The following LRBA variants were observed in gnomAD, a reference collection of about 807,000 sequenced individuals.
LRBA encodes the protein LPS responsive beige-like anchor protein.
A neutral mutation model predicts 330.0 loss-of-function variants in LRBA; 176 were observed. The ratio of observed to expected loss-of-function variants is 0.53; its 90% CI spans 0.47 to 0.60. LRBA has a LOEUF of 0.60. Among genes scored for constraint, LRBA ranks in the 20% least tolerant of loss-of-function variants. The probability of loss-of-function intolerance (pLI) is 0.00; values close to 1 mark genes in which losing one functional copy is unlikely to be tolerated. For synonymous variants in LRBA, 1,230 were observed against 1,193.0 expected (o/e 1.03, Z -0.64); for missense variants, 3,259 against 3,444.8 (o/e 0.95, Z 1.35).
chr4:150,289,485 A>G (rs919795927), intron 53 of LRBA, among the ~76,000 whole-genome samples: 1 of 152,366 alleles, frequency 6.6e-6, no homozygotes, highest in Middle Eastern at 3.4e-3. Flanking sequence ...AATTAAAAGC[A>G]TAAGGGTAGA....
At chr4:150,802,316 A>G (rs952844265) in intron 33 of LRBA, among the ~76,000 whole-genome samples, 7 of 149,888 alleles carry the variant, frequency 4.7e-5, no homozygotes, top group African/African-American at 1.7e-4. Flanking sequence ...TTCCTATTGC[A>G]CCATCACTCC....
At chr4:150,488,903 GAATA>G (rs1231845236) in intron 41 of LRBA, among the ~76,000 whole-genome samples, 1 of 123,210 alleles carries the variant, frequency 8.1e-6, no homozygotes, top group South Asian at 2.7e-4. Context: ...ACACACATAA[GAATA>G]TATACACACA....
At chr4:150,964,826 TA>T (rs1209363916) in intron 2 of LRBA, among the ~76,000 whole-genome samples, 5 of 151,856 alleles carry the variant, frequency 3.3e-5, no homozygotes, top group Non-Finnish European at 7.4e-5. Context: ...CAATAAATAC[TA>T]AAATAAAAAA....
chr4:150,298,243 G>A (rs1729204635), intron 53 of LRBA, among the ~76,000 whole-genome samples: 1 of 152,026 alleles, frequency 6.6e-6, no homozygotes, highest in South Asian at 2.1e-4. Flanking sequence ...AAGCACATGT[G>A]CACAGAGGCA....
chr4:150,555,343 A>C (rs1310661399), intron 40 of LRBA, among the ~76,000 whole-genome samples: 1 of 152,246 alleles, frequency 6.6e-6, no homozygotes, highest in Non-Finnish European at 1.5e-5. Flanking sequence ...ACCCATAACA[A>C]TTCAAATCTA....
intron 34 of LRBA, among the ~76,000 whole-genome samples, chr4:150,765,083 G>T (rs1236070349): frequency 7.0e-6 from 1 of 143,870 alleles, no homozygotes; most frequent in African/African-American, 2.6e-5. Flanking sequence ...ATTATTCAGC[G>T]CTAAAAAAAA....
At chr4:150,458,350 A>G (rs1201553418) in intron 44 of LRBA, among the ~76,000 whole-genome samples, 1 of 151,914 alleles carries the variant, frequency 6.6e-6, no homozygotes, top group East Asian at 1.9e-4. Flanking sequence ...TTAGTATTAA[A>G]TTCTACATAA....
chr4:150,402,148 C>A (rs1289746501), intron 47 of LRBA, among the ~76,000 whole-genome samples: 16 of 146,864 alleles, frequency 1.1e-4, no homozygotes, highest in Non-Finnish European at 2.2e-4. Context: ...AAAAAAAATT[C>A]TGTGTGCTAT....
intron 2 of LRBA, among the ~76,000 whole-genome samples, chr4:150,990,360 C>T (rs1198649953): frequency 6.6e-6 from 1 of 152,148 alleles, no homozygotes; most frequent in African/African-American, 2.4e-5. Context: ...AAGAATTTAG[C>T]ATATAATCCT....
intron 46 of LRBA, among the ~76,000 whole-genome samples, chr4:150,430,526 T>A (rs1037092224): frequency 7.9e-5 from 12 of 152,086 alleles, no homozygotes; most frequent in Admixed American, 3.9e-4. Flanking sequence ...CTGGGACTTG[T>A]TTTACTGTAG....
At chr4:150,537,614 G>A (rs1764803641) in intron 40 of LRBA, among the ~76,000 whole-genome samples, 1 of 152,198 alleles carries the variant, frequency 6.6e-6, no homozygotes, top group East Asian at 1.9e-4. Context: ...AGAATCTATA[G>A]GAAACTTCAT....
At chr4:150,432,110 C>T (rs1362167521) in intron 46 of LRBA, among the ~76,000 whole-genome samples, 1 of 152,010 alleles carries the variant, frequency 6.6e-6, no homozygotes, top group Non-Finnish European at 1.5e-5. Context: ...AGAAATGTGA[C>T]CCTATTCTTA....
intron 44 of LRBA, among the ~76,000 whole-genome samples, chr4:150,467,310 T>G (rs780935894): frequency 1.3e-5 from 2 of 152,158 alleles, no homozygotes; most frequent in Non-Finnish European, 2.9e-5. Context: ...TAAACTTCTA[T>G]CCTGTCTTTT....
chr4:150,451,618 ATAGTT>A (rs1753356430), intron 44 of LRBA, among the ~76,000 whole-genome samples: 1 of 152,204 alleles, frequency 6.6e-6, no homozygotes, highest in Non-Finnish European at 1.5e-5. Context: ...TCTTAAATCA[ATAGTT>A]TAAAGTTTGC....
chr4:150,666,659 AT>A (rs1408597171), intron 37 of LRBA, among the ~76,000 whole-genome samples: 1 of 152,236 alleles, frequency 6.6e-6, no homozygotes, highest in Non-Finnish European at 1.5e-5. Context: ...ATACCATTTT[AT>A]ACAAGGAACT....
At chr4:150,312,807 C>T (rs1183704412) in intron 51 of LRBA, among the ~76,000 whole-genome samples, 1 of 151,970 alleles carries the variant, frequency 6.6e-6, no homozygotes, top group African/African-American at 2.4e-5. Flanking sequence ...GCAGAGAGTT[C>T]AAAGATTTGA....
chr4:150,566,544 T>C (rs1432604616), intron 40 of LRBA, among the ~76,000 whole-genome samples: 4 of 152,156 alleles, frequency 2.6e-5, no homozygotes, highest in Non-Finnish European at 4.4e-5. Context: ...CTTTTAATTA[T>C]AGATTTCCAA....
At position 150,852,430 on chromosome 4, in the gene LRBA, G is replaced by A. The variant is rs1553982186; in HGVS notation, c.3280C>T (p.Pro1094Ser). Residue 1094 changes from proline (P) to serine (S), a missense_variant, in exon 23 of 57, where the codon CCA (proline) becomes TCA (serine). Coordinates refer to ENST00000651943, the MANE Select transcript of LRBA (RefSeq NM_001364905.1). ...ACTATAGATTTATCCAAGAATTCTG[G>A]CATCTCTGAGGCATCCTCTTCTGAA... Reference protein sequence around the residue: ...SPSEEDASEMPEFLDKSIVEE... With the variant: ...SPSEEDASEMSEFLDKSIVEE... 6.2e-7 allele frequency: 1 copy of A among 1,613,354 alleles called. No homozygotes were observed. Among genetic ancestry groups the A allele is most frequent in the Non-Finnish European group, 8.5e-7 (1 of 1,179,968 alleles).
At chr4:150,559,087 C>T (rs1192970842) in intron 40 of LRBA, among the ~76,000 whole-genome samples, 1 of 152,096 alleles carries the variant, frequency 6.6e-6, no homozygotes, top group East Asian at 1.9e-4. Flanking sequence ...GACGTATAAC[C>T]TGAATCCAAT....
Sources: allele counts gnomAD v4.1 joint callset (sites outside exome capture counted in the v4.1 genomes callset), GRCh38; gene constraint gnomAD v4.1.1; transcripts MANE v1.5; gene names NCBI Gene and HGNC (gene_info 2026-07-23, HGNC 2026-07-21).